The following KCNIP1 variants were observed in gnomAD, a reference collection of about 807,000 sequenced individuals.
KCNIP1 encodes potassium voltage-gated channel interacting protein 1, also known as A-type potassium channel modulatory protein KCNIP1.
Under a neutral mutation model 33.0 loss-of-function variants are expected in KCNIP1, and 18 were observed. The observed-to-expected ratio is 0.55, with a 90% CI of 0.38 to 0.81. The LOEUF (loss-of-function observed/expected upper bound fraction) is 0.81, where lower values mean the gene tolerates loss of function less well. KCNIP1 is among the 30% of genes least tolerant of loss of function. The probability of loss-of-function intolerance (pLI) is 0.00; values close to 1 mark genes in which losing one functional copy is unlikely to be tolerated. For missense variants in KCNIP1, 238 were observed against 271.6 expected (o/e 0.88, Z 0.87); for synonymous variants, 93 against 98.3 (o/e 0.95, Z 0.32).
intron 1 of KCNIP1, among the ~76,000 whole-genome samples, chr5:170,710,429 AT>A (rs1296321855): frequency 6.6e-6 from 1 of 152,230 alleles, no homozygotes; most frequent in African/African-American, 2.4e-5. Flanking sequence ...CCCAGATATG[AT>A]TAATCCAATT....
At chr5:170,671,973 A>T (rs1042353113) in intron 1 of KCNIP1, among the ~76,000 whole-genome samples, 1 of 152,208 alleles carries the variant, frequency 6.6e-6, no homozygotes, top group Non-Finnish European at 1.5e-5. Context: ...GCTACAATAG[A>T]TGGAGGGGTG....
chr5:170,498,723 G>A (rs896047004), intron 1 of KCNIP1, among the ~76,000 whole-genome samples: 1 of 152,162 alleles, frequency 6.6e-6, no homozygotes, highest in Non-Finnish European at 1.5e-5. Context: ...GATCCAATGA[G>A]CCCCAAAGCA....
chr5:170,719,011 AG>A (rs1389584438), intron 2 of KCNIP1, 129 bp downstream of exon 2: 6 of 1,196,416 alleles, frequency 5.0e-6, no homozygotes, highest in Non-Finnish European at 6.9e-6. Flanking sequence ...AGCTCTATAA[AG>A]GGGGCATGAG....
intron 1 of KCNIP1, among the ~76,000 whole-genome samples, chr5:170,621,584 C>CA (rs1230964424): frequency 6.6e-6 from 1 of 152,174 alleles, no homozygotes; most frequent in Non-Finnish European, 1.5e-5. Flanking sequence ...CATCATAGCT[C>CA]ACTGCAGCCT....
intron 1 of KCNIP1, among the ~76,000 whole-genome samples, chr5:170,677,338 T>C (rs1434710238): frequency 2.0e-5 from 3 of 152,146 alleles, no homozygotes; most frequent in Non-Finnish European, 4.4e-5. Context: ...TGGACCTCTG[T>C]GCCACACTCC....
At chr5:170,474,903 G>A (rs976880526) in intron 1 of KCNIP1, among the ~76,000 whole-genome samples, 7 of 152,230 alleles carry the variant, frequency 4.6e-5, no homozygotes, top group Non-Finnish European at 8.8e-5. Flanking sequence ...CGTAGAAGGG[G>A]ACCCCACTGG....
At chr5:170,604,275 G>A (rs1315860032) in intron 1 of KCNIP1, among the ~76,000 whole-genome samples, 1 of 152,138 alleles carries the variant, frequency 6.6e-6, no homozygotes, top group African/African-American at 2.4e-5. Flanking sequence ...AGCTGAAATG[G>A]ACTTGGGAAC....
chr5:170,542,553 T>C (rs188443568), intron 1 of KCNIP1, among the ~76,000 whole-genome samples: 1 of 152,212 alleles, frequency 6.6e-6, no homozygotes, highest in Non-Finnish European at 1.5e-5. Context: ...ATAGAATACC[T>C]TAGATTGGGT....
At chr5:170,687,624 CTG>C (rs1221659661) in intron 1 of KCNIP1, among the ~76,000 whole-genome samples, 1 of 152,210 alleles carries the variant, frequency 6.6e-6, no homozygotes, top group Non-Finnish European at 1.5e-5. Context: ...AGTATTCACT[CTG>C]AGCCATGCCT....
rs1387179346 is a variant in KCNIP1, at chr5:170,732,789, C to T, written c.436-11C>T. 1.3e-6 allele frequency: 2 copies of T among 1,575,934 alleles called. No homozygotes were observed. The highest frequency in any genetic ancestry group is 2.7e-5 in the African/African-American group (2 of 74,218). On this transcript the variant is annotated splice_polypyrimidine_tract_variant and intron_variant, in intron 5 of 7. Transcript: ENST00000328939. ...GTTTCCACACTGTGTGCTTTTATGT[C>T]CCTGCTCCAGGAGATGATGGACATT...
chr5:170,465,963 C>T (rs1320220780), intron 1 of KCNIP1, among the ~76,000 whole-genome samples: 2 of 152,086 alleles, frequency 1.3e-5, no homozygotes, highest in Non-Finnish European at 2.9e-5. Context: ...TTGTAACTAA[C>T]CGGAACGATG....
At chr5:170,515,581 G>A (rs977815590) in intron 1 of KCNIP1, among the ~76,000 whole-genome samples, 2 of 152,226 alleles carry the variant, frequency 1.3e-5, no homozygotes, top group African/African-American at 4.8e-5. Flanking sequence ...TTGGTTTTAT[G>A]TAAGCCTTAC....
intron 1 of KCNIP1, among the ~76,000 whole-genome samples, chr5:170,650,740 A>T (rs1761012040): frequency 6.6e-6 from 1 of 152,198 alleles, no homozygotes; most frequent in Non-Finnish European, 1.5e-5. Context: ...AGAAATTGCG[A>T]ATTTAGGATT....
At chr5:170,702,869 T>G (rs548236339) in intron 1 of KCNIP1, among the ~76,000 whole-genome samples, 1 of 150,784 alleles carries the variant, frequency 6.6e-6, no homozygotes, top group Admixed American at 6.6e-5. Flanking sequence ...GTAAGCAAAG[T>G]ACATGTCACA....
chr5:170,514,919 C>T (rs932379226), intron 1 of KCNIP1, among the ~76,000 whole-genome samples: 1 of 152,174 alleles, frequency 6.6e-6, no homozygotes, highest in African/African-American at 2.4e-5. Flanking sequence ...TAAGCGCTTT[C>T]GGTACATTAA....
chr5:170,669,781 A>C, intron 1 of KCNIP1: 1 of 409,746 alleles, frequency 2.4e-6, no homozygotes, highest in Non-Finnish European at 3.3e-6. Flanking sequence ...GAGAAAGTGA[A>C]AAACAACATC....
At chr5:170,521,029 C>T (rs1208124966) in intron 1 of KCNIP1, among the ~76,000 whole-genome samples, 1 of 152,212 alleles carries the variant, frequency 6.6e-6, no homozygotes, top group African/African-American at 2.4e-5. Context: ...CCATAATAGA[C>T]ACCCGTTTGA....
intron 1 of KCNIP1, among the ~76,000 whole-genome samples, chr5:170,608,552 A>C (rs2113609378): frequency 6.6e-6 from 1 of 152,164 alleles, no homozygotes; most frequent in East Asian, 1.9e-4. Context: ...CATGTGGATC[A>C]TCTGAGGTCA....
intron 1 of KCNIP1, among the ~76,000 whole-genome samples, chr5:170,648,250 C>T (rs1760873184): frequency 6.6e-6 from 1 of 152,214 alleles, no homozygotes; most frequent in African/African-American, 2.4e-5. Flanking sequence ...CAGACCCTTA[C>T]CATAAGATTC....
Sources: gnomAD v4.1 joint callset for allele counts (sites outside exome capture counted in the v4.1 genomes callset) on GRCh38, gnomAD v4.1.1 for gene constraint, MANE v1.5 for transcripts, NCBI Gene and HGNC (gene_info 2026-07-23, HGNC 2026-07-21) for gene names.